ADGRF4: variants seen among roughly 807,000 people sequenced by gnomAD.
The protein encoded by ADGRF4 is G-protein coupled receptor PGR18.
ADGRF4 carries 63 observed loss-of-function variants against 58.5 expected under a neutral mutation model. That is an observed-to-expected ratio of 1.08 (90% confidence interval 0.88 to 1.33). The LOEUF is 1.33. ADGRF4 is among the 40% of genes most tolerant of loss of function. The probability of loss-of-function intolerance (pLI) is 0.00; values close to 1 mark genes in which losing one functional copy is unlikely to be tolerated. For missense variants in ADGRF4, 931 were observed against 843.9 expected, an observed-to-expected ratio of 1.10 and a Z score of -1.28; for synonymous variants, 313 against 295.4, an observed-to-expected ratio of 1.06 and a Z score of -0.61.
Position 47,700,587 on chromosome 6 carries a change from C to A in ADGRF4, c.-17+1793C>A, listed in dbSNP as rs560189608. On this transcript the variant is annotated intron_variant, in intron 1 of 9. Transcript: ENST00000283303. ...AAAAGACACATGCATTGTTATGACACCCTCTTGTGCCCATGGCGGACATCC... is the reference window on the plus strand; with the variant it reads ...AAAAGACACATGCATTGTTATGACAACCTCTTGTGCCCATGGCGGACATCC... Among the ~76,000 whole-genome samples, 13 of 152,308 alleles carry A rather than the reference C, an allele frequency of 8.5e-5. No individual in the cohort carries two copies. In the South Asian group the frequency reaches 2.5e-3, roughly 29 times the overall value.
intron 6 of ADGRF4, chr6:47,715,452 A>G (rs1433127294): frequency 9.4e-6 from 3 of 318,190 alleles, no homozygotes; most frequent in Non-Finnish European, 1.7e-5. Context: ...CTTATAGAGG[A>G]CTATTCTTTG....
Position 47,714,074 on chromosome 6 carries a change from AG to A in ADGRF4, c.831del (p.Arg277SerfsTer4). The A allele has an allele frequency of 6.2e-7, 1 of 1,614,056 alleles. No individual in the cohort carries two copies. ...TATCTTAGGAATGGTACAGATTCCC[AG>A]GCAAGAGCTAAGGAAGCTGTGGCCA... The part of the protein sequence containing the change: ...EDILGMVQIP[R>X]QELRKLWPNA... On this transcript the variant is annotated frameshift_variant, in exon 6 of 10. Coordinates refer to ENST00000283303, the MANE Select transcript of ADGRF4 (RefSeq NM_153838.5). LOFTEE classifies it high-confidence loss of function.
chr6:47,710,700 C>T, intron 3 of ADGRF4, 35 bp from the exon 4 acceptor site: 1 of 1,543,966 alleles, frequency 6.5e-7, no homozygotes. Flanking sequence ...TAATTGGGCT[C>T]CTGTCTCTCT....
intron 1 of ADGRF4, among the ~76,000 whole-genome samples, chr6:47,699,933 A>ACC (rs35874700): frequency 5.7e-4 from 78 of 135,714 alleles, no homozygotes; most frequent in African/African-American, 1.6e-3. Context: ...CAGACGACAC[A>ACC]CCCCCCCCCC....
intron 4 of ADGRF4, among the ~76,000 whole-genome samples, chr6:47,712,036 C>G (rs1329443445): frequency 3.3e-5 from 5 of 152,184 alleles, no homozygotes; most frequent in African/African-American, 1.2e-4. Flanking sequence ...AATCCACTCC[C>G]CCATGAAATT....
chr6:47,712,687 C>A, intron 5 of ADGRF4, 79 bp downstream of exon 5: 1 of 1,036,064 alleles, frequency 9.7e-7, no homozygotes, highest in Non-Finnish European at 1.4e-6. Flanking sequence ...CTTTCCAGGG[C>A]AAAAACTACA....
At chr6:47,707,562 G>A (rs1418634040) in intron 2 of ADGRF4, among the ~76,000 whole-genome samples, 2 of 152,194 alleles carry the variant, frequency 1.3e-5, no homozygotes, top group Non-Finnish European at 1.5e-5. Context: ...GCTGCAATGG[G>A]AAATGTAGAT....
At chr6:47,712,936 G>T (rs871653) in intron 5 of ADGRF4, among the ~76,000 whole-genome samples, 38,436 of 152,112 alleles carry the variant, frequency 0.25, 5,481 homozygotes, top group East Asian at 0.56. Flanking sequence ...CAGTGGATTG[G>T]TACCGGGCTG....
intron 1 of ADGRF4, among the ~76,000 whole-genome samples, chr6:47,701,928 G>T (rs1771597387): frequency 6.6e-6 from 1 of 152,192 alleles, no homozygotes; most frequent in Non-Finnish European, 1.5e-5. Flanking sequence ...CTGCCTCCCA[G>T]GTTCAAGCGA....
At chr6:47,721,045 G>A (rs1419601672) in intron 9 of ADGRF4, among the ~76,000 whole-genome samples, 164 bp from the exon 10 acceptor site, 1 of 152,148 alleles carries the variant, frequency 6.6e-6, no homozygotes, top group Non-Finnish European at 1.5e-5. Flanking sequence ...TGACCTTGAG[G>A]AAATTACTCA....
chr6:47,716,184 T>C (rs1334784214), intron 6 of ADGRF4, among the ~76,000 whole-genome samples: 1 of 152,178 alleles, frequency 6.6e-6, no homozygotes, highest in Non-Finnish European at 1.5e-5. Flanking sequence ...ATGCTTTTAG[T>C]TATATACATT....
chr6:47,702,421 A>C (rs952048831), intron 1 of ADGRF4, among the ~76,000 whole-genome samples: 2 of 152,234 alleles, frequency 1.3e-5, no homozygotes, highest in African/African-American at 4.8e-5. Context: ...TTTGCCTACT[A>C]AAAGTAGAGC....
At position 47,714,594 on chromosome 6, in the gene ADGRF4, T is replaced by C; in HGVS notation, c.1349T>C (p.Leu450Pro). The C allele has an allele frequency of 6.2e-7, 1 of 1,614,196 alleles. No homozygotes were observed. The highest frequency in any genetic ancestry group is 8.5e-7 in the Non-Finnish European group (1 of 1,180,034). Reference sequence around the variant, plus strand: ...TGCATCGTGAATATAGCAGTGTCCCTTCTGACTGCCAATGTGTGGTTTATC... The same window carrying C: ...TGCATCGTGAATATAGCAGTGTCCCCTCTGACTGCCAATGTGTGGTTTATC... Reference protein sequence around the residue: ...HVCIVNIAVSLLTANVWFIIG... With the variant: ...HVCIVNIAVSPLTANVWFIIG... The change falls in exon 6 of 10, where the codon CTT (leucine) becomes CCT (proline). Residue 450 changes from leucine (L) to proline (P), a missense_variant. By Grantham distance (98) the Leu-to-Pro change is moderately conservative (BLOSUM62 -3). Coordinates refer to ENST00000283303, the MANE Select transcript of ADGRF4 (RefSeq NM_153838.5).
At chr6:47,704,014 A>G (rs973806883) in intron 1 of ADGRF4, among the ~76,000 whole-genome samples, 33 of 152,058 alleles carry the variant, frequency 2.2e-4, no homozygotes, top group Non-Finnish European at 3.5e-4. Flanking sequence ...GACAGTAAAC[A>G]TGACCCTTCT....
intron 1 of ADGRF4, among the ~76,000 whole-genome samples, chr6:47,699,888 C>A (rs1771546790): frequency 7.9e-6 from 1 of 126,308 alleles, no homozygotes; most frequent in African/African-American, 2.7e-5. Context: ...ATTAGGGGAA[C>A]AACACACACA....
At chr6:47,703,272 A>T (rs1215624861) in intron 1 of ADGRF4, among the ~76,000 whole-genome samples, 2 of 152,190 alleles carry the variant, frequency 1.3e-5, no homozygotes, top group Non-Finnish European at 2.9e-5. Flanking sequence ...ATGAATTAGG[A>T]GGATAAATTA....
intron 3 of ADGRF4, among the ~76,000 whole-genome samples, chr6:47,708,541 TC>T (rs1369394849): frequency 6.6e-6 from 1 of 152,206 alleles, no homozygotes; most frequent in Non-Finnish European, 1.5e-5. Context: ...CAAAGAGAAA[TC>T]TGTTCAAAGT....
intron 3 of ADGRF4, among the ~76,000 whole-genome samples, chr6:47,710,527 C>T (rs532140051): frequency 5.3e-4 from 81 of 152,240 alleles, no homozygotes; most frequent in African/African-American, 1.8e-3. Flanking sequence ...TGTGAAATTC[C>T]CCTTTCCATG....
intron 1 of ADGRF4, among the ~76,000 whole-genome samples, chr6:47,703,765 A>T (rs559506525): frequency 6.6e-6 from 1 of 152,296 alleles, no homozygotes; most frequent in East Asian, 1.9e-4. Context: ...GTTTTTATTT[A>T]TGTACATATA....
Sources: gnomAD v4.1 joint callset for allele counts (sites outside exome capture counted in the v4.1 genomes callset) on GRCh38, gnomAD v4.1.1 for gene constraint, MANE v1.5 for transcripts, NCBI Gene and HGNC (gene_info 2026-07-23, HGNC 2026-07-21) for gene names.